Variants in LARP4B observed in about 807,000 individuals in gnomAD.
LARP4B encodes the protein la-related protein 4B.
LARP4B carries 12 observed loss-of-function variants against 89.8 expected under a neutral mutation model. The ratio of observed to expected loss-of-function variants is 0.13; its 90% CI spans 0.09 to 0.22. LARP4B has a LOEUF of 0.22. LARP4B is among the 10% of genes least tolerant of loss of function. The probability of loss-of-function intolerance (pLI) is 1.00; values close to 1 mark genes in which losing one functional copy is unlikely to be tolerated. For missense variants in LARP4B, 757 were observed against 947.7 expected (o/e 0.80, Z 2.64); for synonymous variants, 367 against 363.3 (o/e 1.01, Z -0.12).
chr10:878,247 G>A (rs1835533350), intron 3 of LARP4B, among the ~76,000 whole-genome samples: 1 of 152,160 alleles, frequency 6.6e-6, no homozygotes, highest in Non-Finnish European at 1.5e-5. Flanking sequence ...GCACAGGAGT[G>A]GCAGGTTCTG....
At position 877,894 on chromosome 10, in the gene LARP4B, C is replaced by A. The variant is rs551103689; in HGVS notation, c.141+6553G>T. Among the ~76,000 whole-genome samples the A allele has an allele frequency of 8.5e-5, 13 of 152,302 alleles. No individual in the cohort carries two copies. The East Asian group carries it at 2.3e-3, about 27-fold the overall frequency. ...AGACAAACACTAAATCTAACAAATA[C>A]CTAACATTGTTAGAAGGTGCTAACT... On this transcript the variant is annotated intron_variant, in intron 3 of 17. Transcript: ENST00000316157.
At chr10:874,700 T>A (rs949083468) in intron 3 of LARP4B, among the ~76,000 whole-genome samples, 3 of 152,248 alleles carry the variant, frequency 2.0e-5, no homozygotes, top group African/African-American at 7.2e-5. Flanking sequence ...CTTTAACCTA[T>A]GAGTTATGAC....
the LARP4B span, among the ~76,000 whole-genome samples, chr10:975,580 GC>G: frequency 6.6e-6 from 1 of 152,242 alleles, no homozygotes; most frequent in African/African-American, 2.4e-5. Context: ...CCACTGCGTG[GC>G]GAATCGTCTG....
chr10:898,027 C>A (rs962979521), intron 1 of LARP4B, among the ~76,000 whole-genome samples: 8 of 147,860 alleles, frequency 5.4e-5, no homozygotes, highest in Admixed American at 5.4e-4. Context: ...GCAAATGATC[C>A]GAACGAACAT....
At chr10:939,320 A>G in the LARP4B span, among the ~76,000 whole-genome samples, 1 of 152,216 alleles carries the variant, frequency 6.6e-6, no homozygotes, top group Non-Finnish European at 1.5e-5. Flanking sequence ...GAGGCCTGTT[A>G]GGAGGTTTAG....
chr10:873,058 T>C (rs1564423479), intron 3 of LARP4B: 2 of 985,400 alleles, frequency 2.0e-6, no homozygotes, highest in African/African-American at 3.5e-5. Flanking sequence ...TGTTTTCTGG[T>C]TCCTTTTCCT....
At chr10:903,253 T>C (rs1347534623) in intron 1 of LARP4B, 1 of 152,214 alleles carries the variant, frequency 6.6e-6, no homozygotes, top group East Asian at 1.9e-4. Context: ...CTCTCAGCCA[T>C]GGACTGATCT....
At chr10:893,891 C>T (rs1165175207) in intron 1 of LARP4B, among the ~76,000 whole-genome samples, 1 of 152,180 alleles carries the variant, frequency 6.6e-6, no homozygotes, top group Non-Finnish European at 1.5e-5. Context: ...CTTGGGACTA[C>T]AGGACACCCA....
chr10:897,624 C>T (rs907936552), intron 1 of LARP4B, among the ~76,000 whole-genome samples: 4 of 152,150 alleles, frequency 2.6e-5, no homozygotes, highest in South Asian at 4.1e-4. Context: ...ATATCCAATA[C>T]GGAACATATA....
At chr10:907,778 C>T (rs61830942) in intron 1 of LARP4B, among the ~76,000 whole-genome samples, 6 of 152,172 alleles carry the variant, frequency 3.9e-5, no homozygotes, top group Non-Finnish European at 7.3e-5. Flanking sequence ...GAACTAGTCA[C>T]CAGAAAGACC....
At position 825,207 on chromosome 10, in the gene LARP4B, C is replaced by T; in HGVS notation, c.1342G>A (p.Gly448Ser). The T allele has an allele frequency of 1.2e-6, 2 of 1,614,150 alleles. No homozygotes were observed. The highest frequency in any genetic ancestry group is 2.2e-5 in the South Asian group (2 of 91,074). The change falls in exon 13 of 18, where the codon GGT becomes AGT. Residue 448 changes from glycine to serine, a missense_variant. By Grantham distance (56) the Gly-to-Ser change is moderately conservative. Coordinates refer to ENST00000316157, the MANE Select transcript of LARP4B (RefSeq NM_015155.3). ...TGCCTTGTTTGTGGACTCCGGACAC[C>T]ATTAATTAATCGATCTGCAGTGAAG... ...FNFTADRLINGVRSPQTRQAG... is the reference protein window; with the variant it reads ...FNFTADRLINSVRSPQTRQAG...
At chr10:839,616 G>C (rs1282701088) in intron 7 of LARP4B, among the ~76,000 whole-genome samples, 3 of 152,204 alleles carry the variant, frequency 2.0e-5, no homozygotes, top group African/African-American at 4.8e-5. Context: ...ATAGTTATTA[G>C]AAAACATAAA....
At chr10:928,307 G>A (rs1353875899) in intron 1 of LARP4B, among the ~76,000 whole-genome samples, 1 of 151,948 alleles carries the variant, frequency 6.6e-6, no homozygotes, top group Non-Finnish European at 1.5e-5. Context: ...CATCTATACA[G>A]CTTTTTTACA....
chr10:929,484 T>C (rs1837241601), intron 1 of LARP4B, among the ~76,000 whole-genome samples: 1 of 152,052 alleles, frequency 6.6e-6, no homozygotes, highest in African/African-American at 2.4e-5. Flanking sequence ...AAATCCCAGC[T>C]ACTCGGGGGG....
At chr10:956,414 C>G in the LARP4B span, among the ~76,000 whole-genome samples, 1 of 151,452 alleles carries the variant, frequency 6.6e-6, no homozygotes, top group South Asian at 2.1e-4. This position sits in a 1 kb window ranked among gnomAD's most constrained non-coding sequence, Gnocchi z 4.3. Flanking sequence ...GGCGCGATCT[C>G]GGCTCACTGC....
At chr10:858,261 G>GT (rs996946671) in intron 5 of LARP4B, among the ~76,000 whole-genome samples, 56 of 151,972 alleles carry the variant, frequency 3.7e-4, no homozygotes, top group African/African-American at 1.2e-3. Flanking sequence ...ATGGCCAATT[G>GT]TTTTTTTTAA....
At chr10:877,062 G>A (rs1257632185) in intron 3 of LARP4B, among the ~76,000 whole-genome samples, 6 of 152,102 alleles carry the variant, frequency 3.9e-5, no homozygotes, top group African/African-American at 1.2e-4. Flanking sequence ...GGTCCGAGGC[G>A]GCTCTGGGCA....
intron 1 of LARP4B, among the ~76,000 whole-genome samples, chr10:903,785 A>C (rs182369349): frequency 4.5e-4 from 68 of 152,312 alleles, no homozygotes; most frequent in African/African-American, 1.4e-3. Context: ...TTTTCAATTG[A>C]AAATACATAA....
intron 15 of LARP4B, among the ~76,000 whole-genome samples, chr10:816,768 T>C (rs1289175385): frequency 6.6e-6 from 1 of 152,234 alleles, no homozygotes; most frequent in Non-Finnish European, 1.5e-5. Flanking sequence ...CATGACCATC[T>C]ACCAATATGA....
Sources: gnomAD v4.1 joint callset for allele counts (sites outside exome capture counted in the v4.1 genomes callset) on GRCh38, gnomAD v4.1.1 for gene constraint, Gnocchi (gnomAD v3.1) non-coding constraint, MANE v1.5 for transcripts, NCBI Gene and HGNC (gene_info 2026-07-23, HGNC 2026-07-21) for gene names.